The following TRAF3IP3 variants were observed in gnomAD, a reference collection of about 807,000 sequenced individuals.
TRAF3IP3 encodes the protein TRAF3 interacting protein 3.
Under a neutral mutation model 86.5 loss-of-function variants are expected in TRAF3IP3, and 64 were observed. The ratio of observed to expected loss-of-function variants is 0.74; its 90% CI spans 0.60 to 0.91. The LOEUF (loss-of-function observed/expected upper bound fraction) is 0.91. Among genes scored for constraint, TRAF3IP3 ranks in the 40% least tolerant of loss-of-function variants. The pLI is 0.00. For synonymous variants in TRAF3IP3, 220 were observed against 243.9 expected (o/e 0.90, Z 0.91); for missense variants, 579 against 642.9 (o/e 0.90, Z 1.07).
intron 11 of TRAF3IP3, 140 bp from the exon 12 acceptor site, chr1:209,777,212 C>A: frequency 1.6e-6 from 1 of 643,516 alleles, no homozygotes. Context: ...AAAGACTTCT[C>A]TATTTTCTCA....
At chr1:209,771,043 A>C (rs1391654162) in intron 8 of TRAF3IP3, among the ~76,000 whole-genome samples, 1 of 35,564 alleles carries the variant, frequency 2.8e-5, no homozygotes, top group African/African-American at 1.3e-4. Context: ...CTCAGGTGGA[A>C]GTGTGCGTGT....
chr1:209,756,971 G>A (rs897750926), intron 1 of TRAF3IP3, among the ~76,000 whole-genome samples: 1 of 152,210 alleles, frequency 6.6e-6, no homozygotes, highest in Non-Finnish European at 1.5e-5. Context: ...GTGGCCAAGT[G>A]ATCTTTCTTT....
chr1:209,764,084 C>G (rs180999202), intron 8 of TRAF3IP3, among the ~76,000 whole-genome samples: 1 of 152,104 alleles, frequency 6.6e-6, no homozygotes, highest in Non-Finnish European at 1.5e-5. Context: ...AAGTAACTTG[C>G]GAAAAGTCAC....
intron 8 of TRAF3IP3, chr1:209,768,190 T>A: frequency 9.1e-6 from 9 of 985,426 alleles, no homozygotes; most frequent in Non-Finnish European, 1.1e-5. Flanking sequence ...AGACCTTTAT[T>A]TTTGCCATTT....
chr1:209,771,939 G>A (rs1362489268), intron 8 of TRAF3IP3, among the ~76,000 whole-genome samples: 2 of 141,116 alleles, frequency 1.4e-5, no homozygotes, highest in Admixed American at 7.1e-5. Flanking sequence ...GCATATGCAG[G>A]TGTGCGTGTG....
At chr1:209,775,295 G>T (rs967681032) in intron 9 of TRAF3IP3, 54 bp from the exon 10 acceptor site, 2 of 1,534,894 alleles carry the variant, frequency 1.3e-6, no homozygotes, top group East Asian at 4.8e-5. Flanking sequence ...CCCAGCTCAG[G>T]ATTTGGCACA....
In TRAF3IP3 at chr1:209,762,554, C is replaced by A; in HGVS notation, c.385C>A (p.Pro129Thr). ...TSSEVFPAQH[P>T]PPSGICRDLS... ...CTCTGAAGTCTTTCCAGCCCAGCAT[C>A]CTCCTCCCTCAGGCATCTGCAGGGA... Residue 129 changes from proline (P) to threonine (T), a missense_variant, in exon 4 of 17, where the codon CCT becomes ACT. Transcript: ENST00000367025. 1 of 1,484,174 alleles carries A rather than the reference C, an allele frequency of 6.7e-7. No homozygotes were observed. 91.9% of individuals were successfully genotyped at this position (1,484,174 alleles called of 1,614,324 possible). A position where few individuals can be genotyped will look rare whatever the true frequency, so the allele number is the denominator to read the frequency against.
chr1:209,777,158 T>A (rs1235463036), intron 11 of TRAF3IP3, 194 bp from the exon 12 acceptor site: 1 of 448,536 alleles, frequency 2.2e-6, no homozygotes, highest in Non-Finnish European at 3.9e-6. Flanking sequence ...AATCTGCTGT[T>A]ATAAATATGA....
chr1:209,761,043 T>C (rs1052376543), intron 3 of TRAF3IP3, among the ~76,000 whole-genome samples: 1 of 152,268 alleles, frequency 6.6e-6, no homozygotes, highest in African/African-American at 2.4e-5. Context: ...ACAGCATTCA[T>C]TCATCCATCA....
intron 9 of TRAF3IP3, among the ~76,000 whole-genome samples, chr1:209,773,897 TG>T (rs1293057853): frequency 6.6e-6 from 1 of 152,248 alleles, no homozygotes; most frequent in African/African-American, 2.4e-5. Context: ...GGATGGTCAT[TG>T]GATGTCCAAT....
chr1:209,766,736 TGCCTGAAGTCCGA>T (rs2077364318), intron 8 of TRAF3IP3, among the ~76,000 whole-genome samples: 1 of 152,200 alleles, frequency 6.6e-6, no homozygotes, highest in African/African-American at 2.4e-5. Context: ...TAATCGTGCA[TGCCTGAAGTCCGA>T]GCTACTCAGG....
In TRAF3IP3 at chr1:209,760,217, G is replaced by T; in HGVS notation, c.178G>T (p.Ala60Ser). The change falls in exon 3 of 17, where the codon GCT becomes TCT. Residue 60 changes from alanine to serine, a missense_variant. Coordinates refer to ENST00000367025, the MANE Select transcript of TRAF3IP3 (RefSeq NM_025228.4). ...CCAACAGAGAGAGCAGCTCCAGAGA[G>T]CTCGACTGCAGCAGTTCTTCAGGAG... is the stretch of plus-strand genomic sequence containing the variant. ...RIQQREQLQR[A>S]RLQQFFRRRN... 1.2e-6 allele frequency: 2 copies of T among 1,614,252 alleles called. No individual in the cohort carries two copies. Among genetic ancestry groups the T allele is most frequent in the Non-Finnish European group, 1.7e-6 (2 of 1,180,048 alleles).
chr1:209,757,072 G>A (rs189020566), intron 1 of TRAF3IP3, among the ~76,000 whole-genome samples: 43 of 152,294 alleles, frequency 2.8e-4, no homozygotes, highest in Admixed American at 2.2e-3. Context: ...AGTCAGTAGG[G>A]TCCAGATATC....
At chr1:209,772,859 G>C in intron 8 of TRAF3IP3, 89 bp from the exon 9 acceptor site, 1 of 1,143,114 alleles carries the variant, frequency 8.7e-7, no homozygotes, top group Non-Finnish European at 1.3e-6. Flanking sequence ...CACCAACCAT[G>C]TGCTGGGCAG....
intron 8 of TRAF3IP3, among the ~76,000 whole-genome samples, chr1:209,764,722 C>T (rs929607791): frequency 8.8e-6 from 1 of 114,254 alleles, no homozygotes; most frequent in Non-Finnish European, 1.7e-5. Context: ...CCAGCCTGGA[C>T]AAAAGAGCGA....
At chr1:209,778,504 T>C (rs897435269) in intron 13 of TRAF3IP3, 27 of 275,260 alleles carry the variant, frequency 9.8e-5, no homozygotes, top group African/African-American at 5.3e-4. Context: ...ATGTGTCACA[T>C]AGACCTGTCA....
In TRAF3IP3 at chr1:209,769,426, A is replaced by T. The variant is rs181123721; in HGVS notation, c.703-3522A>T. Reference sequence around the variant, plus strand: ...GCCCTCTGCTTATTGTAGATGCCAAATCCCTGACTCTCTGCTCTCCCTCAC... The same window carrying T: ...GCCCTCTGCTTATTGTAGATGCCAATTCCCTGACTCTCTGCTCTCCCTCAC... On this transcript the variant is annotated intron_variant, in intron 8 of 16. Transcript: ENST00000367025. 5.1e-4 allele frequency among the ~76,000 whole-genome samples: 77 copies of T among 152,358 alleles called. No homozygotes were observed. In the East Asian group the frequency reaches 0.014, roughly 28 times the overall value.
chr1:209,771,310 GGTGTGT>G (rs369877272), intron 8 of TRAF3IP3, among the ~76,000 whole-genome samples: 3 of 142,850 alleles, frequency 2.1e-5, no homozygotes, highest in South Asian at 2.2e-4. Context: ...TGCATGTGAA[GGTGTGT>G]GTGTGCATGT....
chr1:209,760,065 C>T lies in TRAF3IP3; in HGVS notation c.26C>T (p.Ser9Phe). Reference protein sequence around the residue: MISPDPRPSPGLARWAESY... With the variant: MISPDPRPFPGLARWAESY... ...ATGATCAGCCCAGACCCCAGGCCCT[C>T]CCCTGGCTTGGCCCGGTGGGCTGAG... Residue 9 changes from serine (S) to phenylalanine (F), a missense_variant, in exon 3 of 17, where the codon TCC becomes TTC. Transcript: ENST00000367025. The T allele has an allele frequency of 1.2e-6, 2 of 1,614,026 alleles. No homozygotes were observed. The highest frequency in any genetic ancestry group is 1.7e-6 in the Non-Finnish European group (2 of 1,179,914).
Sources: gnomAD v4.1 joint callset for allele counts (sites outside exome capture counted in the v4.1 genomes callset) on GRCh38, gnomAD v4.1.1 for gene constraint, MANE v1.5 for transcripts, NCBI Gene and HGNC (gene_info 2026-07-23, HGNC 2026-07-21) for gene names.